Variants in HECW1 observed in about 807,000 individuals in gnomAD.
HECW1 encodes the protein E3 ubiquitin-protein ligase HECW1.
HECW1 carries 61 observed loss-of-function variants against 182.3 expected under a neutral mutation model. The observed-to-expected ratio is 0.33, with a 90% CI of 0.27 to 0.41. The LOEUF (loss-of-function observed/expected upper bound fraction) is 0.41. Among genes scored for constraint, HECW1 ranks in the 10% least tolerant of loss-of-function variants. The pLI is 1.00. For synonymous variants in HECW1, 859 were observed against 832.6 expected, an observed-to-expected ratio of 1.03 and a Z score of -0.55; for missense variants, 1,739 against 2,108.9, an observed-to-expected ratio of 0.82 and a Z score of 3.44.
At chr7:43,489,248 A>G (rs2078838848) in intron 17 of HECW1, among the ~76,000 whole-genome samples, 1 of 152,190 alleles carries the variant, frequency 6.6e-6, no homozygotes, top group Non-Finnish European at 1.5e-5. Flanking sequence ...TGGGTCTCTG[A>G]GAATCCTGTC....
At chr7:43,236,308 G>C (rs990585131) in intron 2 of HECW1, among the ~76,000 whole-genome samples, 1 of 152,018 alleles carries the variant, frequency 6.6e-6, no homozygotes, top group Non-Finnish European at 1.5e-5. Flanking sequence ...AAGTGATTTG[G>C]GAAACCATTC....
intron 2 of HECW1, among the ~76,000 whole-genome samples, chr7:43,125,365 C>T (rs917936411): frequency 3.9e-5 from 6 of 152,148 alleles, no homozygotes; most frequent in Non-Finnish European, 8.8e-5. Flanking sequence ...GGGCTTGGCA[C>T]CTCCTGACTT....
At chr7:43,485,778 C>CAGTG (rs1407279670) in intron 17 of HECW1, among the ~76,000 whole-genome samples, 20 of 152,132 alleles carry the variant, frequency 1.3e-4, no homozygotes, top group African/African-American at 4.6e-4. Flanking sequence ...CTGGGTGAGT[C>CAGTG]AGTGAGTGAG....
intron 2 of HECW1, among the ~76,000 whole-genome samples, chr7:43,193,635 G>T (rs1273817893): frequency 6.6e-6 from 1 of 152,136 alleles, no homozygotes; most frequent in African/African-American, 2.4e-5. Context: ...ACCCGACTCA[G>T]CCTCCCAAAT....
At chr7:43,159,358 T>G (rs61459817) in intron 2 of HECW1, among the ~76,000 whole-genome samples, 7,484 of 79,266 alleles carry the variant, frequency 0.094, 667 homozygotes, top group African/African-American at 0.29. Context: ...GACAGGCCCC[T>G]GTGTGTGATG....
intron 2 of HECW1, among the ~76,000 whole-genome samples, chr7:43,147,148 T>C (rs1203562969): frequency 6.6e-6 from 1 of 152,250 alleles, no homozygotes; most frequent in African/African-American, 2.4e-5. Flanking sequence ...AAGCCAGAGC[T>C]AAAGAATAAT....
intron 5 of HECW1, among the ~76,000 whole-genome samples, chr7:43,330,963 T>TTTTA (rs59715518): frequency 0.039 from 5,993 of 151,896 alleles, 202 homozygotes; most frequent in East Asian, 0.18. Flanking sequence ...AAGGGAAGTC[T>TTTTA]TTTATTTATT....
rs147766038 is a variant in HECW1 at position 43,445,224 on chromosome 7, C to T, written c.2052C>T (p.Ser684=). 2,706 of 1,613,180 alleles carry T rather than the reference C, an allele frequency of 1.7e-3. 31 individuals carry two copies. In the African/African-American group the frequency reaches 0.028, roughly 17 times the overall value. Residue 684 remains serine (S), a synonymous_variant, in exon 11 of 30, where the codon AGC becomes AGT. Coordinates refer to ENST00000395891, the MANE Select transcript of HECW1 (RefSeq NM_015052.5). ...CCTGCTGCAGCCCCTCGTGCTACAG[C>T]TCCTCGTGCTACAGCACGTCCTGCT... The part of the protein sequence containing the change: ...DASCCSPSCY[S]SSCYSTSCYS...
At chr7:43,135,218 T>C (rs1236105548) in intron 2 of HECW1, among the ~76,000 whole-genome samples, 3 of 151,858 alleles carry the variant, frequency 2.0e-5, no homozygotes, top group Non-Finnish European at 2.9e-5. Flanking sequence ...AGGGAGGGGG[T>C]AGTCATATGA....
chr7:43,128,850 G>A (rs1786578383), intron 2 of HECW1, among the ~76,000 whole-genome samples: 1 of 152,124 alleles, frequency 6.6e-6, no homozygotes, highest in Non-Finnish European at 1.5e-5. Flanking sequence ...AACCCTCATG[G>A]ATGATTTTGA....
intron 2 of HECW1, among the ~76,000 whole-genome samples, chr7:43,233,873 G>T (rs182623071): frequency 3.9e-5 from 6 of 152,322 alleles, no homozygotes; most frequent in Admixed American, 3.3e-4. Context: ...GGGCATAATA[G>T]AAGCTGTGAT....
At chr7:43,226,546 A>G (rs1370612994) in intron 2 of HECW1, among the ~76,000 whole-genome samples, 1 of 152,244 alleles carries the variant, frequency 6.6e-6, no homozygotes, top group African/African-American at 2.4e-5. Flanking sequence ...CACTCAACTG[A>G]CAGGTCGAAA....
chr7:43,503,498 A>G (rs1389991094), intron 21 of HECW1, among the ~76,000 whole-genome samples: 1 of 152,226 alleles, frequency 6.6e-6, no homozygotes, highest in African/African-American at 2.4e-5. Flanking sequence ...ATGAAGAGTT[A>G]TTTCCTATAT....
At position 43,444,435 on chromosome 7, in the gene HECW1, C is replaced by CATCACG. The variant is rs1206080959; in HGVS notation, c.1264_1269dup (p.Ile422_Thr423dup). ...CCAGACCAGCTGAGGAAGCAGCAGT[C>CATCACG]ATCACGGAGGCAGGAGACCAGGGCA... On this transcript the variant is annotated inframe_insertion, in exon 11 of 30. Coordinates refer to ENST00000395891, the MANE Select transcript of HECW1 (RefSeq NM_015052.5). The surrounding 1 kb of genome is among the most constrained non-coding windows in gnomAD (Gnocchi z 4.3). The CATCACG allele has an allele frequency of 1.2e-6, 2 of 1,613,886 alleles. No homozygotes were observed. Among genetic ancestry groups the CATCACG allele is most frequent in the Non-Finnish European group, 1.7e-6 (2 of 1,179,942 alleles).
intron 10 of HECW1, among the ~76,000 whole-genome samples, chr7:43,443,982 TTTTTGAATCGTA>T (rs1300867373): frequency 1.3e-5 from 2 of 152,212 alleles, no homozygotes; most frequent in Non-Finnish European, 2.9e-5. Flanking sequence ...ATGAATTCCC[TTTTTGAATCGTA>T]TTTCGGAAAT....
chr7:43,115,856 A>G (rs1785001999), intron 2 of HECW1, among the ~76,000 whole-genome samples: 1 of 152,192 alleles, frequency 6.6e-6, no homozygotes. Context: ...GATAGCACTT[A>G]CAATATTGCA....
chr7:43,198,232 G>A (rs1320154178), intron 2 of HECW1, among the ~76,000 whole-genome samples: 3 of 132,390 alleles, frequency 2.3e-5, no homozygotes, highest in African/African-American at 5.8e-5. Context: ...CACCATAGTC[G>A]CACATCCCAC....
intron 3 of HECW1, among the ~76,000 whole-genome samples, chr7:43,281,299 G>C (rs956633891): frequency 2.6e-5 from 4 of 152,176 alleles, no homozygotes; most frequent in African/African-American, 9.7e-5. Context: ...TGCAGACTGA[G>C]CCCCTCTCTG....
chr7:43,541,141 C>T, intron 24 of HECW1, 22 bp from the exon 25 acceptor site: 1 of 1,582,538 alleles, frequency 6.3e-7, no homozygotes, highest in Non-Finnish European at 8.7e-7. Context: ...TTACCGATTT[C>T]TCTGCCTTGT....
Sources: allele counts gnomAD v4.1 joint callset (sites outside exome capture counted in the v4.1 genomes callset), GRCh38; gene constraint gnomAD v4.1.1; non-coding constraint Gnocchi (gnomAD v3.1); transcripts MANE v1.5; gene names NCBI Gene and HGNC (gene_info 2026-07-23, HGNC 2026-07-21).